Variants in OR1J2 observed in about 807,000 individuals in gnomAD.
OR1J2 encodes olfactory receptor 1J2.
For synonymous variants in OR1J2, 142 were observed against 99.7 expected, an observed-to-expected ratio of 1.42 and a Z score of -2.52; for missense variants, 304 against 246.1, an observed-to-expected ratio of 1.24 and a Z score of -1.57.
chr9:122,562,340 G>A, the OR1J2 span, among the ~76,000 whole-genome samples: 4 of 152,248 alleles, frequency 2.6e-5, no homozygotes, highest in Non-Finnish European at 5.9e-5. Context: ...TGCAGCTGTG[G>A]TGATGGCTGC....
chr9:122,451,475 A>C, the OR1J2 span, among the ~76,000 whole-genome samples: 1 of 152,138 alleles, frequency 6.6e-6, no homozygotes, highest in African/African-American at 2.4e-5. Context: ...GTGAGCCACC[A>C]TGCCTGGCCT....
upstream of OR1J2, among the ~76,000 whole-genome samples, chr9:122,508,678 A>G (rs1048910438): frequency 1.3e-5 from 2 of 152,166 alleles, no homozygotes; most frequent in African/African-American, 4.8e-5. Context: ...GGAAGGACAC[A>G]TGGATTTTGT....
the OR1J2 span, among the ~76,000 whole-genome samples, chr9:122,542,326 T>C: frequency 1.3e-5 from 2 of 152,218 alleles, no homozygotes; most frequent in Admixed American, 6.5e-5. Flanking sequence ...GACATTTCGC[T>C]TAGAGTGTAC....
chr9:122,542,727 A>C, the OR1J2 span, among the ~76,000 whole-genome samples: 54 of 152,328 alleles, frequency 3.5e-4, no homozygotes, highest in Non-Finnish European at 5.7e-4. Flanking sequence ...CATTTTAAGA[A>C]GTTTTGACAA....
the OR1J2 span, among the ~76,000 whole-genome samples, chr9:122,492,391 G>C: frequency 1.3e-5 from 2 of 151,798 alleles, no homozygotes; most frequent in African/African-American, 4.8e-5. Context: ...TTTTTATTTA[G>C]TCCACCATTG....
chr9:122,464,607 T>A, the OR1J2 span, among the ~76,000 whole-genome samples: 2 of 152,226 alleles, frequency 1.3e-5, no homozygotes. Flanking sequence ...TCCGCCATTT[T>A]CCCTCTATTG....
downstream of OR1J2, among the ~76,000 whole-genome samples, chr9:122,515,352 T>TTGTGTGTGTGTGTGTG (rs10651846): frequency 0.029 from 3,989 of 135,730 alleles, 117 homozygotes; most frequent in East Asian, 0.067. Context: ...CAGGAGCAGG[T>TTGTGTGTGTGTGTGTG]TGTGTGTGTG....
chr9:122,474,937 C>T, the OR1J2 span: 1 of 152,326 alleles, frequency 6.6e-6, no homozygotes, highest in African/African-American at 2.4e-5. Flanking sequence ...TCCTTCTTGC[C>T]AATGAGAGCT....
In OR1J2 at chr9:122,511,712, T is replaced by C. The variant is rs749616626; in HGVS notation, c.911T>C (p.Leu304Pro). 7.7e-6 allele frequency: 6 copies of C among 781,038 alleles called. No individual in the cohort carries two copies. The highest frequency in any genetic ancestry group is 1.4e-5 in the Non-Finnish European group (6 of 418,120). 48.4% of individuals were successfully genotyped at this position (781,038 alleles called of 1,614,324 possible). A position where few individuals can be genotyped will look rare whatever the true frequency, so the allele number is the denominator to read the frequency against. Residue 304 changes from leucine to proline, a missense_variant, in exon 1 of 1, where the codon CTC becomes CCC. Leu to Pro is a moderately conservative substitution (Grantham distance 98, BLOSUM62 -3). Transcript: ENST00000335302. Reference sequence around the variant, plus strand: ...GACATGAAAGAGGCCCTTGGGAAACTCTTCAGTAGAGCAACATTTTTCTCT... The same window carrying C: ...GACATGAAAGAGGCCCTTGGGAAACCCTTCAGTAGAGCAACATTTTTCTCT... ...NRDMKEALGKLFSRATFFSW is the reference protein window; with the variant it reads ...NRDMKEALGKPFSRATFFSW
chr9:122,566,728 T>C, the OR1J2 span, among the ~76,000 whole-genome samples: 1 of 151,680 alleles, frequency 6.6e-6, no homozygotes, highest in East Asian at 1.9e-4. Context: ...TACAATAATA[T>C]TACTCAATAC....
the OR1J2 span, chr9:122,552,982 T>A: frequency 5.3e-6 from 3 of 565,542 alleles, no homozygotes; most frequent in Non-Finnish European, 9.3e-6. Flanking sequence ...CAAAGCACAA[T>A]TGAGATTTGA....
At chr9:122,560,385 T>A in the OR1J2 span, among the ~76,000 whole-genome samples, 1 of 152,310 alleles carries the variant, frequency 6.6e-6, no homozygotes, top group Middle Eastern at 3.4e-3. Flanking sequence ...TGCTAGCTGG[T>A]TATTTTGCAC....
the OR1J2 span, among the ~76,000 whole-genome samples, chr9:122,541,033 A>T: frequency 6.6e-6 from 1 of 151,610 alleles, no homozygotes; most frequent in Non-Finnish European, 1.5e-5. Context: ...ACATTGACCA[A>T]CCTCCCTGCT....
At chr9:122,539,324 C>T in the OR1J2 span, among the ~76,000 whole-genome samples, 3 of 151,840 alleles carry the variant, frequency 2.0e-5, no homozygotes, top group African/African-American at 7.3e-5. Flanking sequence ...TCCATGTGTT[C>T]TCATTGTTCA....
At chr9:122,456,626 C>T in the OR1J2 span, among the ~76,000 whole-genome samples, 1 of 152,066 alleles carries the variant, frequency 6.6e-6, no homozygotes, top group East Asian at 1.9e-4. Context: ...GTCACTAATC[C>T]AACATCAGTG....
At chr9:122,477,686 T>C in the OR1J2 span, 2 of 1,614,134 alleles carry the variant, frequency 1.2e-6, no homozygotes, top group Non-Finnish European at 1.7e-6. Flanking sequence ...TTCATCAGCA[T>C]CTTAGGGACA....
chr9:122,547,929 T>G, the OR1J2 span, among the ~76,000 whole-genome samples: 2 of 152,320 alleles, frequency 1.3e-5, no homozygotes, highest in East Asian at 3.9e-4. Flanking sequence ...AGTATTCAAT[T>G]TTCTCTGTAT....
chr9:122,447,968 G>T, the OR1J2 span, among the ~76,000 whole-genome samples: 2 of 152,192 alleles, frequency 1.3e-5, no homozygotes, highest in Non-Finnish European at 2.9e-5. Flanking sequence ...GGTATTTCTT[G>T]TCAGGTGGGA....
At chr9:122,457,096 A>G in the OR1J2 span, among the ~76,000 whole-genome samples, 8 of 152,198 alleles carry the variant, frequency 5.3e-5, no homozygotes, top group African/African-American at 1.9e-4. Context: ...CTGGAAGCCA[A>G]TCTTCAGCAA....
Sources: gnomAD v4.1 joint callset for allele counts (sites outside exome capture counted in the v4.1 genomes callset) on GRCh38, gnomAD v4.1.1 for gene constraint, MANE v1.5 for transcripts, NCBI Gene and HGNC (gene_info 2026-07-23, HGNC 2026-07-21) for gene names.